LRRC47: variants seen among roughly 807,000 people sequenced by gnomAD.
LRRC47 encodes the protein leucine-rich repeat-containing protein 47.
A neutral mutation model predicts 40.9 loss-of-function variants in LRRC47; 31 were observed. The ratio of observed to expected loss-of-function variants is 0.76; its 90% CI spans 0.57 to 1.02. The LOEUF (loss-of-function observed/expected upper bound fraction) is 1.02, where lower values mean the gene tolerates loss of function less well. Ranked by LOEUF, LRRC47 falls within the 50% of genes least tolerant of loss-of-function variation. The probability of loss-of-function intolerance (pLI) is 0.00; values close to 1 mark genes in which losing one functional copy is unlikely to be tolerated. For missense variants in LRRC47, 726 were observed against 796.1 expected (o/e 0.91, Z 1.06); for synonymous variants, 427 against 371.9 (o/e 1.15, Z -1.70).
rs553976574 is a variant in LRRC47, at chr1:3,796,072, G to A, written c.405C>T (p.Asn135=). Residue 135 remains asparagine, a synonymous_variant, in exon 1 of 7, where the codon AAC becomes AAT. Transcript: ENST00000378251. ...PPGLPQLQSL[N]LSGNRLRELP... is the part of the protein sequence containing the mutation. ...GCTCGCGCAGCCGGTTGCCGCTGAG[G>A]TTGAGGCTCTGCAGCTGCGGAAGGC... The A allele has an allele frequency of 3.9e-5, 60 of 1,526,760 alleles. 2 individuals are homozygous for A. In the African/African-American group the frequency reaches 5.2e-4, roughly 13 times the overall value. The allele number at this position is 1,526,760 out of a possible 1,614,324, so 94.6% of individuals were successfully genotyped here.
intron 4 of LRRC47, among the ~76,000 whole-genome samples, chr1:3,783,388 C>A (rs1643540073): frequency 7.0e-6 from 1 of 142,314 alleles, no homozygotes; most frequent in South Asian, 2.2e-4. Context: ...CCATTGCACT[C>A]CAGCCTGGGC....
intron 2 of LRRC47, among the ~76,000 whole-genome samples, chr1:3,786,564 A>C (rs755373453): frequency 2.0e-5 from 3 of 152,092 alleles, no homozygotes; most frequent in Admixed American, 6.5e-5. Flanking sequence ...ACCAGTGACC[A>C]GGACCAACCA....
intron 6 of LRRC47, 56 bp from the exon 7 acceptor site, chr1:3,781,392 A>G: frequency 6.3e-7 from 1 of 1,591,250 alleles, no homozygotes; most frequent in Non-Finnish European, 8.6e-7. Context: ...CAGGGAAGAC[A>G]TGCTGCTGTC....
chr1:3,786,740 C>T, intron 2 of LRRC47, 109 bp downstream of exon 2: 1 of 1,045,946 alleles, frequency 9.6e-7, no homozygotes, highest in Non-Finnish European at 1.4e-6. Context: ...CCGGCTGGGC[C>T]CCATACTCCA....
At chr1:3,787,370 A>G (rs558660782) in intron 1 of LRRC47, 60 bp from the exon 2 acceptor site, 1 of 1,494,872 alleles carries the variant, frequency 6.7e-7, no homozygotes, top group African/African-American at 1.4e-5. Flanking sequence ...GTCCAAGGTC[A>G]TGCTCGAGAG....
intron 4 of LRRC47, 52 bp from the exon 5 acceptor site, chr1:3,782,815 G>A: frequency 8.8e-7 from 1 of 1,132,332 alleles, no homozygotes; most frequent in Non-Finnish European, 1.4e-6. Flanking sequence ...GAAACACTGT[G>A]CTGGGTGTGG....
At position 3,779,442 on chromosome 1, in the gene LRRC47, A is replaced by G. The variant is rs908955319; in HGVS notation, c.*1646T>C. ...ATCGTAAGGCAGTGGGGTCTGTAAAATCATCGCGGTGGCTGGCCGTGTCCT... is the reference window on the plus strand; with the variant it reads ...ATCGTAAGGCAGTGGGGTCTGTAAAGTCATCGCGGTGGCTGGCCGTGTCCT... On this transcript the variant is annotated 3_prime_UTR_variant, in exon 7 of 7. Coordinates refer to ENST00000378251, the MANE Select transcript of LRRC47 (RefSeq NM_020710.3). 1 of 152,134 alleles carries G rather than the reference A, an allele frequency of 6.6e-6. No individual in the cohort carries two copies. The highest frequency in any genetic ancestry group is 6.6e-5 in the Admixed American group (1 of 15,258). The allele number at this position is 152,134 out of a possible 1,614,324, so 9.4% of individuals were successfully genotyped here. A position where few individuals can be genotyped will look rare whatever the true frequency, so the allele number is the denominator to read the frequency against.
intron 1 of LRRC47, among the ~76,000 whole-genome samples, chr1:3,788,302 G>A (rs1433059170): frequency 1.3e-5 from 2 of 152,228 alleles, no homozygotes; most frequent in Non-Finnish European, 2.9e-5. Flanking sequence ...CTTCCTCTAG[G>A]GCTGGAGGAA....
In LRRC47 at chr1:3,785,179, C is replaced by A; in HGVS notation, c.1102G>T (p.Glu368Ter). 6.3e-7 allele frequency: 1 copy of A among 1,587,238 alleles called. No homozygotes were observed. The highest frequency in any genetic ancestry group is 1.1e-5 in the South Asian group (1 of 88,082). Reference sequence around the variant, plus strand: ...GCAAGGGTGGCAGCCGTCCTCTTCTCACAGAGATCTTCGTGGAGCTTGGTC... The same window carrying A: ...GCAAGGGTGGCAGCCGTCCTCTTCTAACAGAGATCTTCGTGGAGCTTGGTC... ...SQTKLHEDLC[E>*]KRTAATLATH... The change falls in exon 3 of 7, where the codon GAG (glutamate) becomes TAG (stop). Residue 368 changes from glutamate to a stop codon, truncating the protein, a stop_gained. Transcript: ENST00000378251. LOFTEE classifies it high-confidence loss of function.
chr1:3,786,840 G>A lies in LRRC47; in HGVS notation c.1077+9C>T, dbSNP rs918401385. 1 of 1,574,608 alleles carries A rather than the reference G, an allele frequency of 6.4e-7. No homozygotes were observed. The highest frequency in any genetic ancestry group is 8.6e-7 in the Non-Finnish European group (1 of 1,158,454). ...TCCCAGTCATCTGAGGACCCCCACGGGCACCCACCTGCGAGGTGAGGAAGC... is the reference window on the plus strand; with the variant it reads ...TCCCAGTCATCTGAGGACCCCCACGAGCACCCACCTGCGAGGTGAGGAAGC... On this transcript the variant is annotated intron_variant, in intron 2 of 6. Transcript: ENST00000378251.
intron 1 of LRRC47, among the ~76,000 whole-genome samples, chr1:3,790,152 C>T (rs1013136758): frequency 1.3e-5 from 2 of 152,234 alleles, no homozygotes; most frequent in East Asian, 1.9e-4. Flanking sequence ...GGCTGCCTTC[C>T]GGGCCCATGG....
In LRRC47 at chr1:3,784,114, A is replaced by G. The variant is rs369354364; in HGVS notation, c.1195-3T>C. The G allele has an allele frequency of 8.0e-4, 1,291 of 1,604,796 alleles. 3 individuals are homozygous for G. The highest frequency in any genetic ancestry group is 1.1e-3 in the Non-Finnish European group (1,250 of 1,175,810). ...TCTTTCCGCCCCAAGGGGACAATCTATCGGGCAGAAACCCACAAACTCCAC... is the reference window on the plus strand; with the variant it reads ...TCTTTCCGCCCCAAGGGGACAATCTGTCGGGCAGAAACCCACAAACTCCAC... On this transcript the variant is annotated splice_polypyrimidine_tract_variant and splice_region_variant and intron_variant, in intron 3 of 6. Transcript: ENST00000378251.
chr1:3,781,182 A>G lies in LRRC47; in HGVS notation c.1658T>C (p.Val553Ala), dbSNP rs551497228. The G allele has an allele frequency of 2.5e-6, 4 of 1,614,110 alleles. No individual in the cohort carries two copies. The South Asian group carries it at 4.4e-5, about 18-fold the overall frequency. The part of the protein sequence containing the change: ...DGPSLLVVEQ[V>A]RVVDLEGSLK... Reference sequence around the variant, plus strand: ...GCTCCCTTCCAGATCCACCACCCGGACCTGCTCCACCACCAGAAGGGAGGG... The same window carrying G: ...GCTCCCTTCCAGATCCACCACCCGGGCCTGCTCCACCACCAGAAGGGAGGG... Residue 553 changes from valine (V) to alanine (A), a missense_variant, in exon 7 of 7, where the codon GTC becomes GCC. By Grantham distance (64) the Val-to-Ala change is moderately conservative. Transcript: ENST00000378251.
chr1:3,780,302 C>T lies in LRRC47; in HGVS notation c.*786G>A, dbSNP rs1317971650. 1 of 152,172 alleles carries T rather than the reference C, an allele frequency of 6.6e-6. No individual in the cohort carries two copies. Among genetic ancestry groups the T allele is most frequent in the African/African-American group, 2.4e-5 (1 of 41,432 alleles). The allele number at this position is 152,172 out of a possible 1,614,324, so 9.4% of individuals were successfully genotyped here. A position where few individuals can be genotyped will look rare whatever the true frequency, so the allele number is the denominator to read the frequency against. Reference sequence around the variant, plus strand: ...GCATGACTGAACATCACTCACTTCCCCTACTTGATCTACAAGGCCAACGAC... The same window carrying T: ...GCATGACTGAACATCACTCACTTCCTCTACTTGATCTACAAGGCCAACGAC... On this transcript the variant is annotated 3_prime_UTR_variant, in exon 7 of 7. Transcript: ENST00000378251.
intron 1 of LRRC47, among the ~76,000 whole-genome samples, chr1:3,791,754 CCT>C (rs1270787603): frequency 6.6e-6 from 1 of 151,956 alleles, no homozygotes; most frequent in Non-Finnish European, 1.5e-5. Flanking sequence ...CCGCACCCGG[CCT>C]CTCTCTCCTT....
chr1:3,780,832 T>C lies in LRRC47; in HGVS notation c.*256A>G. ...CTCTACTAAAAATACAAAAATTAGC[T>C]GAGCTTAGTGGCACACACCTGTAGT... On this transcript the variant is annotated 3_prime_UTR_variant, in exon 7 of 7. Coordinates refer to ENST00000378251, the MANE Select transcript of LRRC47 (RefSeq NM_020710.3). 1 of 479,566 alleles carries C rather than the reference T, an allele frequency of 2.1e-6. No homozygotes were observed. The highest frequency in any genetic ancestry group is 3.7e-6 in the Non-Finnish European group (1 of 270,876). The allele number at this position is 479,566 out of a possible 1,614,324, so 29.7% of individuals were successfully genotyped here. A position where few individuals can be genotyped will look rare whatever the true frequency, so the allele number is the denominator to read the frequency against.
At chr1:3,787,419 G>T in intron 1 of LRRC47, 109 bp from the exon 2 acceptor site, 1 of 1,101,594 alleles carries the variant, frequency 9.1e-7, no homozygotes, top group Non-Finnish European at 1.3e-6. Flanking sequence ...GCCACCACTG[G>T]CCTGTCTGTG....
intron 1 of LRRC47, among the ~76,000 whole-genome samples, chr1:3,787,856 G>T (rs1260866724): frequency 6.6e-6 from 1 of 152,188 alleles, no homozygotes; most frequent in African/African-American, 2.4e-5. Context: ...GTGCTCTCAG[G>T]GTTCACGCAG....
intron 1 of LRRC47, among the ~76,000 whole-genome samples, chr1:3,788,723 G>A (rs374945800): frequency 1.3e-4 from 20 of 152,258 alleles, no homozygotes; most frequent in East Asian, 1.2e-3. Flanking sequence ...AGGGTGGCAC[G>A]GCTCAGACAT....
Sources: allele counts gnomAD v4.1 joint callset (sites outside exome capture counted in the v4.1 genomes callset), GRCh38; gene constraint gnomAD v4.1.1; transcripts MANE v1.5; gene names NCBI Gene and HGNC (gene_info 2026-07-23, HGNC 2026-07-21).